Variants in ABI2 observed in about 807,000 individuals in gnomAD.
ABI2 encodes abl interactor 2, also known as abelson interactor 2.
ABI2 carries 25 observed loss-of-function variants against 59.2 expected under a neutral mutation model. The observed-to-expected ratio is 0.42, with a 90% CI of 0.31 to 0.59. ABI2 has a LOEUF of 0.59. ABI2 is among the 20% of genes least tolerant of loss of function. The probability of loss-of-function intolerance (pLI) is 0.14; values close to 1 mark genes in which losing one functional copy is unlikely to be tolerated. For missense variants in ABI2, 545 were observed against 681.8 expected (o/e 0.80, Z 2.23); for synonymous variants, 213 against 235.5 (o/e 0.90, Z 0.87).
At chr2:203,382,301 A>G in intron 4 of ABI2, 95 bp downstream of exon 4, 2 of 1,067,612 alleles carry the variant, frequency 1.9e-6, no homozygotes, top group South Asian at 3.1e-5. Flanking sequence ...GGCCTTTTAA[A>G]ACCCAATAAA....
In ABI2 at chr2:203,394,023, T is replaced by C. The variant is rs1578993688; in HGVS notation, c.579-677T>C. Among the ~76,000 whole-genome samples, 4 of 152,204 alleles carry C rather than the reference T, an allele frequency of 2.6e-5. No homozygotes were observed. In the East Asian group the frequency reaches 5.8e-4, roughly 22 times the overall value. Reference sequence around the variant, plus strand: ...ATTTTACAGTTCAAAGTAAATAATATAGAAAGGCTGTTGTGGTGGTCATTC... The same window carrying C: ...ATTTTACAGTTCAAAGTAAATAATACAGAAAGGCTGTTGTGGTGGTCATTC... On this transcript the variant is annotated intron_variant, in intron 5 of 11. Transcript: ENST00000261018.
intron 1 of ABI2, among the ~76,000 whole-genome samples, chr2:203,364,003 A>G (rs1260057525): frequency 6.6e-6 from 1 of 151,680 alleles, no homozygotes; most frequent in Non-Finnish European, 1.5e-5. Context: ...ACCTCAGGTG[A>G]TCTGCCCACC....
At chr2:203,354,392 T>C (rs2152800605) in intron 1 of ABI2, among the ~76,000 whole-genome samples, 1 of 152,318 alleles carries the variant, frequency 6.6e-6, no homozygotes, top group Admixed American at 6.5e-5. Context: ...ATAATTCATT[T>C]TTTTGACTTG....
intron 1 of ABI2, among the ~76,000 whole-genome samples, chr2:203,357,920 C>T (rs890250669): frequency 2.0e-5 from 3 of 151,926 alleles, no homozygotes; most frequent in African/African-American, 7.3e-5. Flanking sequence ...AGGTGTGGAC[C>T]ACCACACCTG....
intron 1 of ABI2, among the ~76,000 whole-genome samples, chr2:203,364,926 G>T (rs1235920544): frequency 6.6e-6 from 1 of 151,648 alleles, no homozygotes; most frequent in Admixed American, 6.6e-5. Context: ...TGGAGTTGAG[G>T]TCTCACAATG....
At chr2:203,394,955 C>A in intron 6 of ABI2, 109 bp downstream of exon 6, 1 of 1,241,496 alleles carries the variant, frequency 8.1e-7, no homozygotes, top group Non-Finnish European at 1.2e-6. Flanking sequence ...TTTCCTCACT[C>A]TATTCTCCCA....
At chr2:203,370,235 T>G (rs1263084286) in intron 2 of ABI2, among the ~76,000 whole-genome samples, 1 of 151,644 alleles carries the variant, frequency 6.6e-6, no homozygotes, top group Non-Finnish European at 1.5e-5. Flanking sequence ...TCTTTCTGTG[T>G]GTATGTGTGT....
At chr2:203,356,735 A>C (rs747182919) in intron 1 of ABI2, among the ~76,000 whole-genome samples, 1 of 152,160 alleles carries the variant, frequency 6.6e-6, no homozygotes, top group South Asian at 2.1e-4. Flanking sequence ...TCCTGGGCTC[A>C]AGCAATCTTC....
chr2:203,351,117 C>T (rs1221735583), intron 1 of ABI2, among the ~76,000 whole-genome samples: 1 of 151,984 alleles, frequency 6.6e-6, no homozygotes, highest in Non-Finnish European at 1.5e-5. Flanking sequence ...CTTTTCTTTC[C>T]CTCGTTAAAT....
At chr2:203,418,707 G>T (rs1347692101) in intron 11 of ABI2, among the ~76,000 whole-genome samples, 1 of 152,204 alleles carries the variant, frequency 6.6e-6, no homozygotes, top group Admixed American at 6.5e-5. Context: ...GTTCATTAAA[G>T]CAAGTTAATA....
intron 2 of ABI2, among the ~76,000 whole-genome samples, chr2:203,379,689 A>T (rs1454310990): frequency 4.6e-5 from 7 of 152,284 alleles, no homozygotes; most frequent in Non-Finnish European, 1.0e-4. Context: ...ATCTTAATGG[A>T]GAGGGAAAAA....
chr2:203,376,010 T>C, intron 2 of ABI2: 1 of 1,344,506 alleles, frequency 7.4e-7, no homozygotes, highest in Non-Finnish European at 1.0e-6. Flanking sequence ...ACCTTTATTA[T>C]TATAGATGTT....
intron 2 of ABI2, among the ~76,000 whole-genome samples, chr2:203,372,866 G>A (rs2095377618): frequency 6.6e-6 from 1 of 152,064 alleles, no homozygotes; most frequent in East Asian, 1.9e-4. Flanking sequence ...TCCCAGACGG[G>A]GCGGCGGGGC....
At chr2:203,377,991 T>C (rs551600661) in intron 2 of ABI2, among the ~76,000 whole-genome samples, 8 of 152,360 alleles carry the variant, frequency 5.3e-5, no homozygotes, top group South Asian at 4.1e-4. Context: ...ATCACTAATA[T>C]GCAAGCTTAA....
At chr2:203,377,045 T>C (rs568358422) in intron 2 of ABI2, among the ~76,000 whole-genome samples, 4 of 152,328 alleles carry the variant, frequency 2.6e-5, no homozygotes, top group African/African-American at 7.2e-5. Context: ...GTGCCAGGCA[T>C]AGTGGCTCAT....
intron 8 of ABI2, among the ~76,000 whole-genome samples, chr2:203,399,772 C>T (rs1042335160): frequency 1.3e-5 from 2 of 152,236 alleles, no homozygotes; most frequent in Non-Finnish European, 2.9e-5. Context: ...GCCTCAGCCT[C>T]CCAAAGTGCT....
intron 1 of ABI2, among the ~76,000 whole-genome samples, chr2:203,345,560 G>A (rs985974779): frequency 1.7e-4 from 26 of 152,028 alleles, no homozygotes; most frequent in African/African-American, 6.3e-4. Flanking sequence ...ACAGGTGCCC[G>A]CCACCATGCC....
intron 8 of ABI2, 60 bp downstream of exon 8, chr2:203,397,027 C>G: frequency 7.7e-7 from 1 of 1,301,562 alleles, no homozygotes; most frequent in South Asian, 2.5e-5. Flanking sequence ...CTCTTACTTG[C>G]ACCTCTGATT....
intron 1 of ABI2, among the ~76,000 whole-genome samples, chr2:203,330,809 A>G (rs1288035107): frequency 6.6e-6 from 1 of 152,220 alleles, no homozygotes; most frequent in Non-Finnish European, 1.5e-5. Flanking sequence ...TGAAGGTACA[A>G]GTTCCTCTTA....
Sources: gnomAD v4.1 joint callset for allele counts (sites outside exome capture counted in the v4.1 genomes callset) on GRCh38, gnomAD v4.1.1 for gene constraint, MANE v1.5 for transcripts, NCBI Gene and HGNC (gene_info 2026-07-23, HGNC 2026-07-21) for gene names.